The following RUFY2 variants were observed in gnomAD, a reference collection of about 807,000 sequenced individuals.
RUFY2 encodes RUN and FYVE domain-containing protein 2.
In RUFY2, 49 loss-of-function variants were observed where a neutral mutation model predicts 94.4. That is an observed-to-expected ratio of 0.52 (90% CI 0.41 to 0.66). The LOEUF (loss-of-function observed/expected upper bound fraction) is 0.66. Ranked by LOEUF, RUFY2 falls within the 30% of genes least tolerant of loss-of-function variation. The probability of loss-of-function intolerance (pLI) is 0.00; values close to 1 mark genes in which losing one functional copy is unlikely to be tolerated. For synonymous variants in RUFY2, 255 were observed against 235.7 expected (o/e 1.08, Z -0.75); for missense variants, 541 against 692.8 (o/e 0.78, Z 2.46).
In RUFY2 at chr10:68,367,459, TTC is replaced by T. The variant is rs199550366; in HGVS notation, c.1326-3348_1326-3347del. ...TGAATGTTTTGGGGTTTTTATTTTG[TTC>T]TGTTTTTAGAGACAGGAACTCACTC... On this transcript the variant is annotated intron_variant, in intron 13 of 17. Coordinates refer to ENST00000602465, the MANE Select transcript of RUFY2 (RefSeq NM_001330103.2). Among the ~76,000 whole-genome samples the T allele has an allele frequency of 6.6e-3, 1,011 of 152,252 alleles. 10 individuals carry two copies. Among genetic ancestry groups the T allele is most frequent in the African/African-American group, 0.023 (935 of 41,550 alleles).
At chr10:68,369,021 T>G (rs1311771746) in intron 13 of RUFY2, among the ~76,000 whole-genome samples, 1 of 152,144 alleles carries the variant, frequency 6.6e-6, no homozygotes, top group Non-Finnish European at 1.5e-5. Flanking sequence ...TACTCTTGCC[T>G]GGCAATGATG....
intron 13 of RUFY2, among the ~76,000 whole-genome samples, chr10:68,369,048 C>A (rs564350620): frequency 1.1e-4 from 17 of 152,302 alleles, no homozygotes; most frequent in Admixed American, 9.2e-4. Context: ...AGTTCTTGCA[C>A]CCTGCTGTGG....
chr10:68,394,327 C>CT lies in RUFY2; in HGVS notation c.522dup (p.Val175SerfsTer5). 1 of 1,613,898 alleles carries CT rather than the reference C, an allele frequency of 6.2e-7. No homozygotes were observed. Among genetic ancestry groups the CT allele is most frequent in the Non-Finnish European group, 8.5e-7 (1 of 1,179,862 alleles). On this transcript the variant is annotated frameshift_variant and splice_region_variant. Coordinates refer to ENST00000602465, the MANE Select transcript of RUFY2 (RefSeq NM_001330103.2). LOFTEE classifies it high-confidence loss of function. ...ATTTGGCACTAGTCACTTTCACTTA[C>CT]TTGTGAGTCTAAATCCTCTCCCTTC...
chr10:68,370,953 A>T (rs1394089006), intron 13 of RUFY2, among the ~76,000 whole-genome samples: 1 of 151,946 alleles, frequency 6.6e-6, no homozygotes, highest in Non-Finnish European at 1.5e-5. Context: ...TAACATGGTG[A>T]AACCCTGTCT....
intron 16 of RUFY2, 33 bp from the exon 17 acceptor site, chr10:68,346,117 G>A (rs1438269932): frequency 6.6e-7 from 1 of 1,524,632 alleles, no homozygotes; most frequent in Non-Finnish European, 9.0e-7. Context: ...GCTCAAATTG[G>A]TAACACTAAA....
chr10:68,360,958 C>A (rs1307978340), intron 15 of RUFY2, among the ~76,000 whole-genome samples: 1 of 150,842 alleles, frequency 6.6e-6, no homozygotes, highest in Non-Finnish European at 1.5e-5. Flanking sequence ...TATGATCATG[C>A]CTGTAATTCA....
chr10:68,368,570 A>T (rs7910842), intron 13 of RUFY2, among the ~76,000 whole-genome samples: 4,203 of 151,966 alleles, frequency 0.028, 200 homozygotes, highest in African/African-American at 0.096. Flanking sequence ...GAGGCAGGAG[A>T]ATCGCTTGAA....
intron 15 of RUFY2, among the ~76,000 whole-genome samples, chr10:68,359,461 AATG>A (rs537697049): frequency 2.5e-5 from 3 of 120,854 alleles, no homozygotes; most frequent in East Asian, 4.6e-4. Context: ...ACATAGTAGT[AATG>A]CTACTATATA....
At position 68,393,989 on chromosome 10, in the gene RUFY2, C is replaced by T. The variant is rs1004866504; in HGVS notation, c.584+86G>A. ...AGGGGGGAAAACAACAAAATAAAACCACACTGTAAATAGATGGATCTTATA... is the reference window on the plus strand; with the variant it reads ...AGGGGGGAAAACAACAAAATAAAACTACACTGTAAATAGATGGATCTTATA... On this transcript the variant is annotated intron_variant, in intron 6 of 17. Coordinates refer to ENST00000602465, the MANE Select transcript of RUFY2 (RefSeq NM_001330103.2). 2.8e-6 allele frequency: 4 copies of T among 1,429,038 alleles called. No homozygotes were observed. In the Admixed American group the frequency reaches 1.2e-4, roughly 43 times the overall value. The allele number at this position is 1,429,038 out of a possible 1,614,324, so 88.5% of individuals were successfully genotyped here. A position where few individuals can be genotyped will look rare whatever the true frequency, so the allele number is the denominator to read the frequency against.
chr10:68,344,460 G>C lies in RUFY2; in HGVS notation c.*1308C>G, dbSNP rs997583876. On this transcript the variant is annotated 3_prime_UTR_variant, in exon 18 of 18. Coordinates refer to ENST00000602465, the MANE Select transcript of RUFY2 (RefSeq NM_001330103.2). ...GATAGTGTTTATGTAACTATTCAGA[G>C]GTAATTTATACAAGTTAAATTCTTA... is the stretch of plus-strand genomic sequence containing the variant. The C allele has an allele frequency of 2.0e-5, 3 of 152,136 alleles. No homozygotes were observed. Among genetic ancestry groups the C allele is most frequent in the Non-Finnish European group, 4.4e-5 (3 of 68,026 alleles). 9.4% of individuals were successfully genotyped at this position (152,136 alleles called of 1,614,324 possible).
chr10:68,404,251 G>T (rs181644610), intron 2 of RUFY2, among the ~76,000 whole-genome samples: 251 of 152,212 alleles, frequency 1.6e-3, no homozygotes, highest in Non-Finnish European at 2.1e-3. Flanking sequence ...CCATCCAGAA[G>T]ATATTTCTAC....
At chr10:68,367,712 ATCTCTCTCCCTCCCTCCCTCCCTCCC>A (rs1294139720) in intron 13 of RUFY2, among the ~76,000 whole-genome samples, 7 of 76,780 alleles carry the variant, frequency 9.1e-5, no homozygotes, top group Non-Finnish European at 2.0e-4. Context: ...TTCTTTCTCT[ATCTCTCTCCCTCCCTCCCTCCCTCCC>A]TCTCTCTCTC....
At position 68,344,912 on chromosome 10, in the gene RUFY2, T is replaced by C. The variant is rs1441405591; in HGVS notation, c.*856A>G. On this transcript the variant is annotated 3_prime_UTR_variant, in exon 18 of 18. Transcript: ENST00000602465. ...CTGATTTTTTTCTCACTTTTAATGC[T>C]TAGAGGAGAGGACCTTTATAAGGAG... 1 of 152,172 alleles carries C rather than the reference T, an allele frequency of 6.6e-6. No homozygotes were observed. The highest frequency in any genetic ancestry group is 1.5e-5 in the Non-Finnish European group (1 of 68,034). The allele number at this position is 152,172 out of a possible 1,614,324, so 9.4% of individuals were successfully genotyped here.
intron 11 of RUFY2, 116 bp downstream of exon 11, chr10:68,381,116 G>GAAAAAAAAATGT: frequency 1.7e-6 from 1 of 590,596 alleles, no homozygotes. Context: ...AAAAGACATT[G>GAAAAAAAAATGT]GCCTTTATAA....
In RUFY2 at chr10:68,347,316, ACT is replaced by A. The variant is rs1193477615; in HGVS notation, c.1600-1234_1600-1233del. 3.8e-4 allele frequency among the ~76,000 whole-genome samples: 45 copies of A among 117,730 alleles called. 1 individual carries two copies. The highest frequency in any genetic ancestry group is 2.3e-3 in the Admixed American group (18 of 7,958). 77.2% of individuals were successfully genotyped at this position (117,730 alleles called of 152,430 possible). On this transcript the variant is annotated intron_variant, in intron 16 of 17. Transcript: ENST00000602465. The stretch of plus-strand genomic sequence containing the variant: ...TTTTTTTTTTTGAAAAGAGAGTCTC[ACT>A]CTGTCGCCCAGGCTGTAGTGCAGTG...
intron 7 of RUFY2, 46 bp from the exon 8 acceptor site, chr10:68,386,174 A>C: frequency 6.8e-7 from 1 of 1,480,818 alleles, no homozygotes. Context: ...ACACGAACTC[A>C]AAAAGGCACG....
intron 13 of RUFY2, among the ~76,000 whole-genome samples, chr10:68,374,958 T>C (rs1340574968): frequency 6.6e-6 from 1 of 152,198 alleles, no homozygotes; most frequent in Non-Finnish European, 1.5e-5. Context: ...TATAAATATA[T>C]ATGCATGCAT....
chr10:68,375,307 A>T (rs1360686205), intron 13 of RUFY2, among the ~76,000 whole-genome samples: 1 of 119,312 alleles, frequency 8.4e-6, no homozygotes, highest in African/African-American at 3.3e-5. Flanking sequence ...ACAGGTGTCT[A>T]TTTGAGGGGG....
chr10:68,392,379 G>A (rs2050065465), intron 7 of RUFY2, among the ~76,000 whole-genome samples: 1 of 151,996 alleles, frequency 6.6e-6, no homozygotes, highest in African/African-American at 2.4e-5. Flanking sequence ...TTACATACAG[G>A]TCTCAAAAAT....
Sources: allele counts gnomAD v4.1 joint callset (sites outside exome capture counted in the v4.1 genomes callset), GRCh38; gene constraint gnomAD v4.1.1; transcripts MANE v1.5; gene names NCBI Gene and HGNC (gene_info 2026-07-23, HGNC 2026-07-21).